Variants in CTNNA2 observed in about 807,000 individuals in gnomAD.
CTNNA2 encodes the protein catenin alpha 2.
Under a neutral mutation model 101.0 loss-of-function variants are expected in CTNNA2, and 42 were observed. The ratio of observed to expected loss-of-function variants is 0.42; its 90% CI spans 0.32 to 0.54. The LOEUF (loss-of-function observed/expected upper bound fraction) is 0.54, where lower values mean the gene tolerates loss of function less well. Among genes scored for constraint, CTNNA2 ranks in the 20% least tolerant of loss-of-function variants. The probability of loss-of-function intolerance (pLI) is 0.14; values close to 1 mark genes in which losing one functional copy is unlikely to be tolerated. For missense variants in CTNNA2, 871 were observed against 1,223.1 expected, an observed-to-expected ratio of 0.71 and a Z score of 4.29; for synonymous variants, 450 against 456.4, an observed-to-expected ratio of 0.99 and a Z score of 0.18.
intron 1 of CTNNA2, among the ~76,000 whole-genome samples, chr2:79,643,026 A>G (rs748291644): frequency 6.6e-5 from 10 of 152,070 alleles, no homozygotes; most frequent in Admixed American, 1.3e-4. Flanking sequence ...CCCTGCCTCT[A>G]CTAAAAATAC....
intron 4 of CTNNA2, among the ~76,000 whole-genome samples, 166 bp from the exon 5 acceptor site, chr2:79,869,650 A>T (rs1281303367): frequency 1.3e-5 from 2 of 152,190 alleles, no homozygotes; most frequent in African/African-American, 4.8e-5. Flanking sequence ...ATAACTATTT[A>T]ATCTGACTAC....
intron 2 of CTNNA2, among the ~76,000 whole-genome samples, chr2:79,244,567 T>G (rs1674674425): frequency 6.6e-6 from 1 of 152,168 alleles, no homozygotes; most frequent in Non-Finnish European, 1.5e-5. Flanking sequence ...AGTCCTAGCA[T>G]AGTAAACATG....
chr2:80,026,166 G>C (rs1694913204), intron 7 of CTNNA2, among the ~76,000 whole-genome samples: 1 of 152,170 alleles, frequency 6.6e-6, no homozygotes, highest in Admixed American at 6.5e-5. Flanking sequence ...AACATTCTAG[G>C]CAGAAGGAAG....
intron 7 of CTNNA2, among the ~76,000 whole-genome samples, chr2:80,322,859 C>T (rs1573715044): frequency 6.6e-6 from 1 of 152,208 alleles, no homozygotes; most frequent in East Asian, 1.9e-4. Flanking sequence ...GAGGCTGTTT[C>T]CCTAACCTGT....
intron 2 of CTNNA2, among the ~76,000 whole-genome samples, chr2:79,245,098 G>GA (rs111503363): frequency 0.044 from 5,450 of 122,858 alleles, 250 homozygotes; most frequent in African/African-American, 0.13. Context: ...TCCATCTCAA[G>GA]AAAAAAAAAA....
At chr2:79,606,328 C>T (rs532046305) in intron 1 of CTNNA2, among the ~76,000 whole-genome samples, 8 of 152,248 alleles carry the variant, frequency 5.3e-5, no homozygotes, top group African/African-American at 9.6e-5. Flanking sequence ...AGTGAAGTGG[C>T]GCAATCTCGG....
intron 2 of CTNNA2, among the ~76,000 whole-genome samples, chr2:79,695,070 A>T (rs1684571833): frequency 6.8e-6 from 1 of 147,004 alleles, no homozygotes; most frequent in African/African-American, 2.5e-5. Flanking sequence ...CTTCTCTTTC[A>T]CATTACTTTT....
At chr2:79,428,983 G>C (rs1678622951) in intron 4 of CTNNA2, among the ~76,000 whole-genome samples, 1 of 152,130 alleles carries the variant, frequency 6.6e-6, no homozygotes, top group Non-Finnish European at 1.5e-5. Flanking sequence ...AAAAGGGCAA[G>C]GGCTGATTTC....
intron 7 of CTNNA2, chr2:80,289,087 C>T (rs939284299): frequency 6.6e-6 from 1 of 152,152 alleles, no homozygotes; most frequent in African/African-American, 2.4e-5. Flanking sequence ...TCTTTCCCAC[C>T]TTCTTCCAGA....
At chr2:79,752,872 T>C (rs1672135754) in intron 3 of CTNNA2, among the ~76,000 whole-genome samples, 1 of 152,158 alleles carries the variant, frequency 6.6e-6, no homozygotes, top group South Asian at 2.1e-4. Context: ...GCCATAATTA[T>C]AATACAAAGA....
intron 7 of CTNNA2, among the ~76,000 whole-genome samples, chr2:80,148,668 C>T (rs540282726): frequency 6.6e-6 from 1 of 152,202 alleles, no homozygotes; most frequent in Non-Finnish European, 1.5e-5. Flanking sequence ...AGTTTTATTT[C>T]TCTGAGGCTT....
intron 2 of CTNNA2, among the ~76,000 whole-genome samples, chr2:79,694,987 T>A (rs1361649727): frequency 6.6e-6 from 1 of 151,368 alleles, no homozygotes; most frequent in Non-Finnish European, 1.5e-5. Flanking sequence ...CGGCATCATT[T>A]AGTGAGGTCT....
At chr2:79,483,043 A>G (rs1671124721) in intron 4 of CTNNA2, among the ~76,000 whole-genome samples, 1 of 152,206 alleles carries the variant, frequency 6.6e-6, no homozygotes, top group South Asian at 2.1e-4. Context: ...TAATCACCAA[A>G]TCTTAGCAGC....
intron 9 of CTNNA2, among the ~76,000 whole-genome samples, chr2:80,491,789 A>G (rs1687084115): frequency 6.6e-6 from 1 of 152,202 alleles, no homozygotes; most frequent in African/African-American, 2.4e-5. Context: ...TAGAGGACTC[A>G]GAAGTTTGAT....
chr2:80,621,824 C>T (rs1218587471), intron 18 of CTNNA2, among the ~76,000 whole-genome samples: 1 of 151,866 alleles, frequency 6.6e-6, no homozygotes, highest in Admixed American at 6.6e-5. Context: ...GGAGTCTGTA[C>T]ATGTGCCAAG....
chr2:79,667,874 T>A (rs1380222221), intron 2 of CTNNA2, among the ~76,000 whole-genome samples: 4 of 152,232 alleles, frequency 2.6e-5, no homozygotes, highest in Admixed American at 2.0e-4. Context: ...GATTAAACTT[T>A]AATGCATGGT....
In CTNNA2 at chr2:79,338,575, A is replaced by ATAT. The variant is rs879675967; in HGVS notation, c.-318+25780_-318+25781insATT. Among the ~76,000 whole-genome samples the ATAT allele has an allele frequency of 5.1e-3, 584 of 115,514 alleles. 9 individuals carry two copies. Among genetic ancestry groups the ATAT allele is most frequent in the African/African-American group, 0.019 (555 of 29,442 alleles). The allele number at this position is 115,514 out of a possible 152,430, so 75.8% of individuals were successfully genotyped here. On this transcript the variant is annotated intron_variant, in intron 3 of 21. Transcript: ENST00000466387. ...ATTTTTCTTCTTCTTCTTCCTCCTC[A>ATAT]TCATCTTCTTCTTCTTCTTCTTCTT... is the stretch of plus-strand genomic sequence containing the variant.
At chr2:80,139,054 C>G (rs1385306892) in intron 7 of CTNNA2, among the ~76,000 whole-genome samples, 3 of 152,066 alleles carry the variant, frequency 2.0e-5, no homozygotes, top group Admixed American at 6.6e-5. Flanking sequence ...TCTAAGCGAC[C>G]TATGGAAAAT....
At chr2:80,456,118 T>C (rs1047990825) in intron 9 of CTNNA2, among the ~76,000 whole-genome samples, 10 of 152,186 alleles carry the variant, frequency 6.6e-5, no homozygotes, top group African/African-American at 2.4e-4. Context: ...TGGAGCCGGA[T>C]GTGGGATGTG....
Sources: allele counts gnomAD v4.1 joint callset (sites outside exome capture counted in the v4.1 genomes callset), GRCh38; gene constraint gnomAD v4.1.1; transcripts MANE v1.5; gene names NCBI Gene and HGNC (gene_info 2026-07-23, HGNC 2026-07-21).